The following KCNMA1 variants were observed in gnomAD, a reference collection of about 807,000 sequenced individuals.
KCNMA1 encodes Calcium-activated potassium channel subunit alpha-1.
Under a neutral mutation model 140.0 loss-of-function variants are expected in KCNMA1, and 29 were observed. That is an observed-to-expected ratio of 0.21 (90% CI 0.15 to 0.28). The LOEUF is 0.28. Ranked by LOEUF, KCNMA1 falls within the 10% of genes least tolerant of loss-of-function variation. The probability of loss-of-function intolerance (pLI) is 1.00; values close to 1 mark genes in which losing one functional copy is unlikely to be tolerated. For missense variants in KCNMA1, 880 were observed against 1,602.2 expected (o/e 0.55, Z 7.70); for synonymous variants, 612 against 611.9 (o/e 1.00, Z 0.00).
At chr10:77,123,052 C>A (rs1270239648) in intron 5 of KCNMA1, among the ~76,000 whole-genome samples, 1 of 151,048 alleles carries the variant, frequency 6.6e-6, no homozygotes, top group South Asian at 2.1e-4. Flanking sequence ...TGGTGGCGGG[C>A]GCCTGTAGTC....
chr10:77,051,434 G>A (rs548113594), intron 14 of KCNMA1, among the ~76,000 whole-genome samples: 122 of 152,286 alleles, frequency 8.0e-4, no homozygotes, highest in African/African-American at 2.7e-3. Context: ...AGGCAGAAGC[G>A]CCAGCTTTAT....
intron 5 of KCNMA1, among the ~76,000 whole-genome samples, chr10:77,181,841 T>C (rs139747069): frequency 0.012 from 1,769 of 152,250 alleles, 34 homozygotes; most frequent in African/African-American, 0.041. Context: ...CAAAAACTTT[T>C]CCTTAGAGCA....
At chr10:77,403,545 A>AC (rs2096356053) in intron 2 of KCNMA1, among the ~76,000 whole-genome samples, 1 of 151,638 alleles carries the variant, frequency 6.6e-6, no homozygotes, top group Non-Finnish European at 1.5e-5. Context: ...TATTTCCTTA[A>AC]CCCTCTTCTC....
chr10:77,540,636 G>T (rs1374700144), intron 1 of KCNMA1, among the ~76,000 whole-genome samples: 5 of 152,182 alleles, frequency 3.3e-5, no homozygotes, highest in Admixed American at 6.5e-5. Flanking sequence ...TACATTATTT[G>T]AGTAAAAATA....
chr10:77,519,279 C>G (rs1358159292), intron 1 of KCNMA1, among the ~76,000 whole-genome samples: 2 of 152,224 alleles, frequency 1.3e-5, no homozygotes, highest in African/African-American at 4.8e-5. Flanking sequence ...AAGAGAATAA[C>G]AGCACTGACC....
intron 1 of KCNMA1, among the ~76,000 whole-genome samples, chr10:77,428,413 C>T (rs1168993731): frequency 6.6e-6 from 1 of 152,160 alleles, no homozygotes; most frequent in Non-Finnish European, 1.5e-5. Context: ...GGGTGAAGAG[C>T]AAGCAGAAAA....
Position 76,884,892 on chromosome 10 carries a change from CTTTTTT to C in KCNMA1, c.*2368_*2373del. On this transcript the variant is annotated 3_prime_UTR_variant, in exon 28 of 28. Coordinates refer to ENST00000286628, the MANE Select transcript of KCNMA1 (RefSeq NM_001161352.2). ...AATAACAGAATAAAATTTGTAACTC[CTTTTTT>C]TTTAATTTCACAAAAGTTTTCACAA... 3 of 1,385,224 alleles carry C rather than the reference CTTTTTT, an allele frequency of 2.2e-6. No homozygotes were observed. 85.8% of individuals were successfully genotyped at this position (1,385,224 alleles called of 1,614,324 possible).
Position 77,403,306 on chromosome 10 carries a change from C to T in KCNMA1, c.540+556G>A, listed in dbSNP as rs917022538. Among the ~76,000 whole-genome samples the T allele has an allele frequency of 2.6e-5, 4 of 152,274 alleles. No individual in the cohort carries two copies. In the East Asian group the frequency reaches 5.8e-4, roughly 22 times the overall value. On this transcript the variant is annotated intron_variant, in intron 2 of 27. Transcript: ENST00000286628. Reference sequence around the variant, plus strand: ...CACAAGCGAGCTCTAGGTACACGGGCCAGGCAGCCTCAGGTGGGCTACTGA... The same window carrying T: ...CACAAGCGAGCTCTAGGTACACGGGTCAGGCAGCCTCAGGTGGGCTACTGA...
At chr10:77,035,861 A>C (rs960521755) in intron 15 of KCNMA1, among the ~76,000 whole-genome samples, 2 of 152,186 alleles carry the variant, frequency 1.3e-5, no homozygotes, top group Non-Finnish European at 2.9e-5. Flanking sequence ...TATTTCAGAG[A>C]AGGAGATTGG....
At chr10:77,251,557 A>T (rs2059668149) in intron 2 of KCNMA1, among the ~76,000 whole-genome samples, 1 of 152,170 alleles carries the variant, frequency 6.6e-6, no homozygotes, top group Non-Finnish European at 1.5e-5. Flanking sequence ...TGTAGTTGAT[A>T]AACTTCAGTG....
chr10:77,477,945 G>A (rs1380282534), intron 1 of KCNMA1, among the ~76,000 whole-genome samples: 1 of 152,220 alleles, frequency 6.6e-6, no homozygotes, highest in Non-Finnish European at 1.5e-5. Context: ...AAATTTGGGT[G>A]TCATTAGGGT....
At chr10:77,424,245 G>A (rs1282970145) in intron 1 of KCNMA1, among the ~76,000 whole-genome samples, 1 of 152,216 alleles carries the variant, frequency 6.6e-6, no homozygotes. Context: ...GAGAGTTGTT[G>A]GATGTGTCTA....
chr10:77,210,519 G>A lies in KCNMA1; in HGVS notation c.603-25603C>T, dbSNP rs147129519. Among the ~76,000 whole-genome samples, 8 of 152,178 alleles carry A rather than the reference G, an allele frequency of 5.3e-5. No individual in the cohort carries two copies. The East Asian group carries it at 5.8e-4, about 11-fold the overall frequency. On this transcript the variant is annotated intron_variant, in intron 3 of 27. Transcript: ENST00000286628. ...GAAGAGGAACAAAGCAAAGACTCCC[G>A]CTCTCATTACTCCTATTCAATATGG...
At chr10:77,173,950 C>T (rs2098730666) in intron 5 of KCNMA1, among the ~76,000 whole-genome samples, 1 of 152,146 alleles carries the variant, frequency 6.6e-6, no homozygotes, top group African/African-American at 2.4e-5. Flanking sequence ...GAGCCTATCT[C>T]CACCACTGCT....
At chr10:77,493,773 T>G (rs913999138) in intron 1 of KCNMA1, 1 of 152,200 alleles carries the variant, frequency 6.6e-6, no homozygotes, top group Admixed American at 6.5e-5. Context: ...TGTGGGAAAA[T>G]TGAGGGGACC....
At chr10:77,048,326 G>C (rs1423772137) in intron 14 of KCNMA1, among the ~76,000 whole-genome samples, 1 of 152,152 alleles carries the variant, frequency 6.6e-6, no homozygotes, top group East Asian at 1.9e-4. Flanking sequence ...ATGGACCATG[G>C]ACCACACTTG....
intron 1 of KCNMA1, among the ~76,000 whole-genome samples, chr10:77,599,492 G>T (rs934110795): frequency 7.9e-5 from 12 of 152,134 alleles, no homozygotes; most frequent in Non-Finnish European, 1.5e-4. Context: ...TAGGGTGCAA[G>T]GTTGAATAAG....
At chr10:77,610,694 G>T (rs117709853) in intron 1 of KCNMA1, among the ~76,000 whole-genome samples, 3,617 of 152,308 alleles carry the variant, frequency 0.024, 59 homozygotes, top group Non-Finnish European at 0.037. Context: ...CATCCAGAGA[G>T]CCCACACAGA....
chr10:77,011,573 T>C (rs1179743635), intron 18 of KCNMA1, among the ~76,000 whole-genome samples: 1 of 152,178 alleles, frequency 6.6e-6, no homozygotes, highest in South Asian at 2.1e-4. Context: ...ATTTAGTTTC[T>C]CTCTCAACCC....
Sources: allele counts gnomAD v4.1 joint callset (sites outside exome capture counted in the v4.1 genomes callset), GRCh38; gene constraint gnomAD v4.1.1; transcripts MANE v1.5; gene names NCBI Gene and HGNC (gene_info 2026-07-23, HGNC 2026-07-21).